FGD1: variants seen among roughly 807,000 people sequenced by gnomAD.
The protein encoded by FGD1 is FYVE, RhoGEF and PH domain containing 1.
A neutral mutation model predicts 65.0 loss-of-function variants in FGD1; 12 were observed. The ratio of observed to expected loss-of-function variants is 0.18; its 90% CI spans 0.12 to 0.30. FGD1 has a LOEUF of 0.30. Among genes scored for constraint, FGD1 ranks in the 10% least tolerant of loss-of-function variants. The probability of loss-of-function intolerance (pLI) is 1.00; values close to 1 mark genes in which losing one functional copy is unlikely to be tolerated. For missense variants in FGD1, 542 were observed against 837.6 expected, an observed-to-expected ratio of 0.65 and a Z score of 4.36; for synonymous variants, 333 against 343.9, an observed-to-expected ratio of 0.97 and a Z score of 0.35.
At position 54,495,416 on chromosome X, in the gene FGD1, G is replaced by A. The variant is rs1161949227; in HGVS notation, c.17C>T (p.Ala6Val). The change falls in exon 1 of 18, where the codon GCC (alanine) becomes GTC (valine). Residue 6 changes from alanine (A) to valine (V), a missense_variant. Around this residue, in one of 6 missense-constraint regions of FGD1, gnomAD observed 297 missense variants for 326.8 expected, o/e 0.91. Transcript: ENST00000375135. MHGHR[A>V]PGGAGPSEPE... ...CTCCGAAGGCCCGGCGCCCCCCGGG[G>A]CTCGGTGGCCATGCATGGTCCGGGC... 3.8e-5 allele frequency: 41 copies of A among 1,091,116 alleles called. No individual in the cohort carries two copies. The highest frequency in any genetic ancestry group is 4.6e-5 in the Non-Finnish European group (39 of 845,121). The allele number at this position is 1,091,116 out of a possible 1,213,427, so 89.9% of individuals were successfully genotyped here. A position where few individuals can be genotyped will look rare whatever the true frequency, so the allele number is the denominator to read the frequency against.
rs1922331676 is a variant in FGD1, at chrX:54,449,672, G to A, written c.2135C>T (p.Pro712Leu). 3 of 1,192,815 alleles carry A rather than the reference G, an allele frequency of 2.5e-6. No individual in the cohort carries two copies. The African/African-American group carries it at 5.3e-5, about 21-fold the overall frequency. The change falls in exon 14 of 18, where the codon CCA (proline) becomes CTA (leucine). Residue 712 changes from proline (P) to leucine (L), a missense_variant. Physicochemically the swap from Pro to Leu is moderately conservative, Grantham distance 98. Coordinates refer to ENST00000375135, the MANE Select transcript of FGD1 (RefSeq NM_004463.3). ...GGGGACTCTTACTGGAGAGTTGGGT[G>A]GGGTGTCTTCATCTTCCCTGTTTGT... ...NSTNREDEDT[P>L]PNSPNVDLGK...
rs187012481 is a variant in FGD1 at position 54,488,509 on chromosome X, C to T, written c.307+6617G>A. Among the ~76,000 whole-genome samples, 20 of 109,525 alleles carry T rather than the reference C, an allele frequency of 1.8e-4. No individual in the cohort carries two copies. In the East Asian group the frequency reaches 2.6e-3, roughly 14 times the overall value. ...CTGAGGCAGGAGAATTGCTTGAACC[C>T]GGGAGGCGGAGCTTGCAGTGAGCCA... On this transcript the variant is annotated intron_variant, in intron 1 of 17. Coordinates refer to ENST00000375135, the MANE Select transcript of FGD1 (RefSeq NM_004463.3).
intron 1 of FGD1, among the ~76,000 whole-genome samples, chrX:54,473,682 T>A (rs1346864279): frequency 8.9e-6 from 1 of 112,757 alleles, no homozygotes; most frequent in African/African-American, 3.2e-5. Context: ...AATCTGGCGA[T>A]GATTTAAAGT....
chrX:54,457,157 G>A (rs1292090729), intron 8 of FGD1, among the ~76,000 whole-genome samples: 1 of 111,762 alleles, frequency 8.9e-6, no homozygotes, highest in African/African-American at 3.2e-5. Context: ...AGTTACATAT[G>A]TAACCAGAAG....
intron 1 of FGD1, among the ~76,000 whole-genome samples, chrX:54,483,939 C>T (rs1052096559): frequency 9.0e-6 from 1 of 111,425 alleles, no homozygotes; most frequent in Non-Finnish European, 1.9e-5. Context: ...TCCCATCTTC[C>T]GGGCCTCTAC....
chrX:54,470,024 A>C lies in FGD1; in HGVS notation c.1093T>G (p.Ser365Ala), dbSNP rs377155391. ...TGAACACAGGTCAGTACCTCCACAG[A>C]CTCCTGTCTCTCCATCAGGGGCACT... Reference protein sequence around the residue: ...IPVPLMERQESVELTVQQKVF... With the variant: ...IPVPLMERQEAVELTVQQKVF... Residue 365 changes from serine (S) to alanine (A), a missense_variant, in exon 4 of 18, where the codon TCT becomes GCT. By Grantham distance (99) the Ser-to-Ala change is moderately conservative. This residue lies in a region of FGD1 where 297 missense variants were observed against 326.8 expected (regional missense o/e 0.91). Coordinates refer to ENST00000375135, the MANE Select transcript of FGD1 (RefSeq NM_004463.3). 2 of 1,205,099 alleles carry C rather than the reference A, an allele frequency of 1.7e-6. No homozygotes were observed. The highest frequency in any genetic ancestry group is 1.8e-5 in the African/African-American group (1 of 56,117).
intron 5 of FGD1, 110 bp from the exon 6 acceptor site, chrX:54,468,042 T>C: frequency 4.4e-6 from 3 of 689,440 alleles, no homozygotes; most frequent in Non-Finnish European, 6.8e-6. Context: ...TCAGCATTGG[T>C]CTTGAGACTG....
At chrX:54,480,435 A>G (rs1923118899) in intron 1 of FGD1, among the ~76,000 whole-genome samples, 1 of 111,369 alleles carries the variant, frequency 9.0e-6, no homozygotes, top group South Asian at 3.8e-4. Flanking sequence ...ATGTTTCTGT[A>G]AAGTGCAGAC....
In FGD1 at chrX:54,455,476, T is replaced by C; in HGVS notation, c.1987A>G (p.Lys663Glu). The change falls in exon 12 of 18, where the codon AAG (lysine) becomes GAG (glutamate). Residue 663 changes from lysine to glutamate, a missense_variant. Coordinates refer to ENST00000375135, the MANE Select transcript of FGD1 (RefSeq NM_004463.3). ...NLPRTFLVSG[K>E]QRSLELQART... ...GCCTGGAGCTCGAGGGAGCGCTGCT[T>C]TCCTGACACCAGGAAGGTTCGAGGC... 8.3e-7 allele frequency: 1 copy of C among 1,211,503 alleles called. No homozygotes were observed. Among genetic ancestry groups the C allele is most frequent in the Non-Finnish European group, 1.1e-6 (1 of 894,999 alleles).
intron 17 of FGD1, 141 bp from the exon 18 acceptor site, chrX:54,446,555 G>C: frequency 3.7e-6 from 2 of 541,977 alleles, no homozygotes; most frequent in African/African-American, 2.3e-5. Flanking sequence ...CGTGGCTCCA[G>C]TGTTATCAAC....
intron 1 of FGD1, among the ~76,000 whole-genome samples, chrX:54,473,958 TG>T (rs1348333181): frequency 9.1e-6 from 1 of 109,619 alleles, no homozygotes; most frequent in East Asian, 2.9e-4. Flanking sequence ...CACTCCAGCC[TG>T]GGCGACAGAG....
rs770309787 is a variant in FGD1 at position 54,471,297 on chromosome X, T to C, written c.481+17A>G. ...CTCCCCTGGGCCACTTCTCTGCTCT[T>C]TTCCAGGACCACTTACCCTGTGGCT... On this transcript the variant is annotated intron_variant, in intron 2 of 17. Coordinates refer to ENST00000375135, the MANE Select transcript of FGD1 (RefSeq NM_004463.3). 2.5e-6 allele frequency: 3 copies of C among 1,208,012 alleles called. No individual in the cohort carries two copies. The Admixed American group carries it at 6.6e-5, about 26-fold the overall frequency.
In FGD1 at chrX:54,495,323, G is replaced by A. The variant is rs75659311; in HGVS notation, c.110C>T (p.Ala37Val). The A allele has an allele frequency of 4.1e-3, 4,845 of 1,167,873 alleles. 215 individuals carry two copies. The East Asian group carries it at 0.13, about 31-fold the overall frequency. Residue 37 changes from alanine (A) to valine (V), a missense_variant, in exon 1 of 18, where the codon GCC (alanine) becomes GTC (valine). By Grantham distance (64) the Ala-to-Val change is moderately conservative (BLOSUM62 0). Coordinates refer to ENST00000375135, the MANE Select transcript of FGD1 (RefSeq NM_004463.3). The stretch of plus-strand genomic sequence containing the variant: ...GCGCGCCAGCAGTCCGGGTTCCGAG[G>A]CTCCAGGGTCCGAGTCGGCACAGGC... ...PPACADSDPG[A>V]SEPGLLARRG... is the part of the protein sequence containing the mutation.
chrX:54,470,714 T>TGGGGGGGGGGGGGAGGGGCCCCGGG lies in FGD1; in HGVS notation c.527_528insCCCGGGGCCCCTCCCCCCCCCCCCC (p.Leu177ProfsTer48). 5.3e-6 allele frequency: 1 copy of TGGGGGGGGGGGGGAGGGGCCCCGGG among 187,785 alleles called. No individual in the cohort carries two copies. Among genetic ancestry groups the TGGGGGGGGGGGGGAGGGGCCCCGGG allele is most frequent in the Non-Finnish European group, 8.1e-6 (1 of 123,084 alleles). The allele number at this position is 187,785 out of a possible 1,213,427, so 15.5% of individuals were successfully genotyped here. On this transcript the variant is annotated frameshift_variant, in exon 3 of 18. Transcript: ENST00000375135. LOFTEE classifies it high-confidence loss of function. ...ATGGTGGAGGGGGGATGGGCTCCAG[T>TGGGGGGGGGGGGGAGGGGCCCCGGG]GGGGGGGGCATCCGGGGCATCTGCA... is the stretch of plus-strand genomic sequence containing the variant.
At chrX:54,459,735 T>G (rs56129756) in intron 8 of FGD1, among the ~76,000 whole-genome samples, 17,001 of 109,835 alleles carry the variant, frequency 0.15, 2,170 homozygotes, top group African/African-American at 0.42. Context: ...ACCAGACCGG[T>G]AAGTTGTTTC....
At chrX:54,448,707 A>T in intron 16 of FGD1, 99 bp downstream of exon 16, 1 of 889,298 alleles carries the variant, frequency 1.1e-6, no homozygotes, top group Non-Finnish European at 1.6e-6. Flanking sequence ...TCCCTTGATC[A>T]CTACTGTTTC....
intron 16 of FGD1, 59 bp from the exon 17 acceptor site, chrX:54,447,513 G>C: frequency 9.0e-7 from 1 of 1,109,601 alleles, no homozygotes. Flanking sequence ...GCTCCTCCTA[G>C]CTTTAATACC....
intron 1 of FGD1, among the ~76,000 whole-genome samples, chrX:54,490,578 T>G (rs980166041): frequency 9.0e-6 from 1 of 111,253 alleles, no homozygotes; most frequent in Non-Finnish European, 1.9e-5. Flanking sequence ...TTAAAAGTGA[T>G]CATCCTGGGT....
At chrX:54,494,967 C>T (rs947807030) in intron 1 of FGD1, among the ~76,000 whole-genome samples, 159 bp downstream of exon 1, 1 of 110,922 alleles carries the variant, frequency 9.0e-6, no homozygotes, top group Admixed American at 9.6e-5. Context: ...GGACATAAGG[C>T]CAAGGGACGT....
Sources: allele counts gnomAD v4.1 joint callset (sites outside exome capture counted in the v4.1 genomes callset), GRCh38; gene constraint gnomAD v4.1.1; regional missense constraint gnomAD v4.1.1; transcripts MANE v1.5; gene names NCBI Gene and HGNC (gene_info 2026-07-23, HGNC 2026-07-21).